NREP: variants seen among roughly 807,000 people sequenced by gnomAD.
NREP encodes neuronal regeneration related protein.
A neutral mutation model predicts 8.6 loss-of-function variants in NREP; 5 were observed. That is an observed-to-expected ratio of 0.58 (90% CI 0.30 to 1.22). The LOEUF (loss-of-function observed/expected upper bound fraction) is 1.22, where lower values mean the gene tolerates loss of function less well. NREP is among the 50% of genes most tolerant of loss of function. The pLI, the probability that NREP is intolerant of heterozygous loss-of-function variation, is 0.07. For synonymous variants in NREP, 27 were observed against 28.0 expected (o/e 0.96, Z 0.11); for missense variants, 86 against 82.5 (o/e 1.04, Z -0.17).
intron 2 of NREP, among the ~76,000 whole-genome samples, chr5:111,950,299 G>C (rs756895519): frequency 6.6e-5 from 10 of 152,056 alleles, no homozygotes; most frequent in Non-Finnish European, 1.0e-4. Flanking sequence ...AATGGGGAAA[G>C]GATTCCCTAT....
At chr5:111,780,646 T>A (rs556326728) in intron 2 of NREP, among the ~76,000 whole-genome samples, 2 of 152,206 alleles carry the variant, frequency 1.3e-5, no homozygotes, top group South Asian at 4.1e-4. Context: ...TTGTTTTGAG[T>A]GGTAGAGAAT....
chr5:111,850,987 A>G (rs1387491667), intron 2 of NREP, among the ~76,000 whole-genome samples: 3 of 152,156 alleles, frequency 2.0e-5, no homozygotes, highest in African/African-American at 7.2e-5. Context: ...GATAGTAAGA[A>G]TTCACATCTG....
chr5:111,740,197 C>T (rs943712368), intron 2 of NREP, among the ~76,000 whole-genome samples: 2 of 152,160 alleles, frequency 1.3e-5, no homozygotes, highest in East Asian at 1.9e-4. Flanking sequence ...AACAACAGAA[C>T]GTCATAAAGA....
At chr5:111,904,587 A>G (rs1754732078) in intron 2 of NREP, among the ~76,000 whole-genome samples, 1 of 152,058 alleles carries the variant, frequency 6.6e-6, no homozygotes, top group Admixed American at 6.6e-5. Context: ...GTGGCTTGAT[A>G]GTTCAATTTT....
intron 2 of NREP, among the ~76,000 whole-genome samples, chr5:111,803,170 A>G (rs906787370): frequency 6.6e-6 from 1 of 152,186 alleles, no homozygotes; most frequent in Non-Finnish European, 1.5e-5. Context: ...AAAAGAGGTT[A>G]TCACTCAGGT....
intron 2 of NREP, among the ~76,000 whole-genome samples, chr5:111,753,920 A>G (rs1581083845): frequency 6.6e-6 from 1 of 152,130 alleles, no homozygotes; most frequent in Admixed American, 6.5e-5. Context: ...CTTTTTTTAC[A>G]TTAATATGTG....
rs73787377 is a variant in NREP, at chr5:111,763,754, A to G, written c.136-28247T>C. Among the ~76,000 whole-genome samples, 309 of 146,452 alleles carry G rather than the reference A, an allele frequency of 2.1e-3. 2 individuals carry two copies. The highest frequency in any genetic ancestry group is 7.7e-3 in the African/African-American group (282 of 36,542). ...TATTTTAAAATCCCAGTACGTCTGTATGTGTGTGTGTGTGTGTGTGTTTGT... is the reference window on the plus strand; with the variant it reads ...TATTTTAAAATCCCAGTACGTCTGTGTGTGTGTGTGTGTGTGTGTGTTTGT... On this transcript the variant is annotated intron_variant, in intron 2 of 3. Coordinates refer to the NREP transcript ENST00000395634.
At chr5:111,924,429 G>A in intron 2 of NREP, among the ~76,000 whole-genome samples, 1 of 151,458 alleles carries the variant, frequency 6.6e-6, no homozygotes, top group East Asian at 1.9e-4. Context: ...AGGCAAATAG[G>A]TATTGTGAGT....
chr5:111,773,531 T>C (rs1170840097), intron 2 of NREP, among the ~76,000 whole-genome samples: 2 of 152,212 alleles, frequency 1.3e-5, no homozygotes, highest in South Asian at 2.1e-4. Flanking sequence ...GATTTATCTT[T>C]AATAAAATTT....
chr5:111,751,079 A>T (rs1008800200), intron 2 of NREP, among the ~76,000 whole-genome samples: 10 of 152,224 alleles, frequency 6.6e-5, no homozygotes, highest in East Asian at 1.9e-4. Context: ...AGAATGAATT[A>T]AAAAAATTCA....
At chr5:111,955,792 C>T (rs149652785) in intron 2 of NREP, among the ~76,000 whole-genome samples, 335 of 151,806 alleles carry the variant, frequency 2.2e-3, no homozygotes, top group African/African-American at 7.3e-3. Context: ...AGTCTAGCAA[C>T]CCACGGTGTA....
chr5:111,812,053 C>T (rs1239435672), intron 2 of NREP, among the ~76,000 whole-genome samples: 2 of 151,988 alleles, frequency 1.3e-5, no homozygotes, highest in Admixed American at 6.6e-5. Flanking sequence ...TTTGGGAGGC[C>T]GAGGCAGGTG....
At chr5:111,766,436 T>C (rs1019539169) in intron 2 of NREP, among the ~76,000 whole-genome samples, 1 of 152,114 alleles carries the variant, frequency 6.6e-6, no homozygotes, top group African/African-American at 2.4e-5. Context: ...TGTGAAAGGG[T>C]TGAAAAGAGT....
intron 2 of NREP, among the ~76,000 whole-genome samples, chr5:111,955,624 G>A (rs1413704142): frequency 1.3e-5 from 2 of 152,054 alleles, no homozygotes; most frequent in Non-Finnish European, 1.5e-5. Context: ...TTCAAGTCAA[G>A]ATGACATTAA....
At chr5:111,775,120 G>A (rs374418324) in intron 2 of NREP, among the ~76,000 whole-genome samples, 3 of 152,094 alleles carry the variant, frequency 2.0e-5, no homozygotes, top group African/African-American at 7.2e-5. Context: ...CTAACTCCTG[G>A]GCTCAAGCAG....
intron 2 of NREP, among the ~76,000 whole-genome samples, chr5:111,842,690 G>C (rs1348168338): frequency 6.6e-6 from 1 of 152,048 alleles, no homozygotes; most frequent in Non-Finnish European, 1.5e-5. Flanking sequence ...TACAGTTCAA[G>C]TTGTTAATAG....
At chr5:111,913,353 C>A (rs1036535889) in intron 2 of NREP, among the ~76,000 whole-genome samples, 1 of 152,108 alleles carries the variant, frequency 6.6e-6, no homozygotes, top group Non-Finnish European at 1.5e-5. Flanking sequence ...AAGGAACTAG[C>A]ACATTGCCTT....
At chr5:111,845,095 G>A (rs1439581097) in intron 2 of NREP, among the ~76,000 whole-genome samples, 2 of 152,006 alleles carry the variant, frequency 1.3e-5, no homozygotes, top group African/African-American at 4.8e-5. Context: ...GACTGCAAGG[G>A]CCAGCTTTGA....
intron 2 of NREP, among the ~76,000 whole-genome samples, chr5:111,826,708 T>A (rs1752636894): frequency 1.3e-5 from 2 of 152,236 alleles, no homozygotes; most frequent in Admixed American, 1.3e-4. Flanking sequence ...CTAATTTTTG[T>A]ATTTTCGGTA....
Sources: gnomAD v4.1 joint callset for allele counts (sites outside exome capture counted in the v4.1 genomes callset) on GRCh38, gnomAD v4.1.1 for gene constraint, MANE v1.5 for transcripts, NCBI Gene and HGNC (gene_info 2026-07-23, HGNC 2026-07-21) for gene names.